Variants in CDHR1 observed in about 807,000 individuals in gnomAD.
CDHR1 encodes cadherin related family member 1, also known as cadherin-related family member 1.
CDHR1 carries 61 observed loss-of-function variants against 72.1 expected under a neutral mutation model. The observed-to-expected ratio is 0.85, with a 90% CI of 0.69 to 1.05. The LOEUF (loss-of-function observed/expected upper bound fraction) is 1.05, where lower values mean the gene tolerates loss of function less well. Among genes scored for constraint, CDHR1 ranks in the 50% least tolerant of loss-of-function variants. CDHR1 has a pLI of 0.00. For synonymous variants in CDHR1, 470 were observed against 448.1 expected, an observed-to-expected ratio of 1.05 and a Z score of -0.62; for missense variants, 1,186 against 1,115.7, an observed-to-expected ratio of 1.06 and a Z score of -0.90.
chr10:84,209,453 A>C (rs1014253337), intron 12 of CDHR1, among the ~76,000 whole-genome samples: 1 of 152,206 alleles, frequency 6.6e-6, no homozygotes, highest in Non-Finnish European at 1.5e-5. Context: ...TTATAAAAGC[A>C]ATCCATGAAA....
chr10:84,210,725 G>C (rs1294386325), intron 12 of CDHR1, among the ~76,000 whole-genome samples: 1 of 152,162 alleles, frequency 6.6e-6, no homozygotes, highest in Non-Finnish European at 1.5e-5. Flanking sequence ...AAGACAATTG[G>C]AACTGGAAAG....
rs1189565760 is a variant in CDHR1, at chr10:84,199,062, G to T, written c.379G>T (p.Asp127Tyr). Residue 127 changes from aspartate (D) to tyrosine (Y), a missense_variant, in exon 5 of 17, where the codon GAT becomes TAT. Asp to Tyr is a radical substitution (Grantham distance 160, BLOSUM62 -3). Transcript: ENST00000623527. ...VAEKVVILVT[D>Y]ANDEAPRFIQ... The stretch of plus-strand genomic sequence containing the variant: ...CGAAAAAGTCGTGATCCTGGTGACC[G>T]ATGCCAATGATGAGGCGCCCAGGTT... The T allele has an allele frequency of 6.4e-7, 1 of 1,551,508 alleles. No individual in the cohort carries two copies. The highest frequency in any genetic ancestry group is 1.2e-5 in the South Asian group (1 of 84,052).
rs1245988975 is a variant in CDHR1 at position 84,204,681 on chromosome 10, A to G, written c.862+76A>G. The G allele has an allele frequency of 3.1e-6, 3 of 962,542 alleles. No homozygotes were observed. In the East Asian group the frequency reaches 7.2e-5, roughly 23 times the overall value. The allele number at this position is 962,542 out of a possible 1,614,324, so 59.6% of individuals were successfully genotyped here. A position where few individuals can be genotyped will look rare whatever the true frequency, so the allele number is the denominator to read the frequency against. ...GAGCAAGGTTCCTCAACCTCTCTAG[A>G]TTCCAGCTCCCTCACCTGTAGGACC... On this transcript the variant is annotated intron_variant, in intron 9 of 16. Coordinates refer to ENST00000623527, the MANE Select transcript of CDHR1 (RefSeq NM_033100.4).
intron 11 of CDHR1, 63 bp from the exon 12 acceptor site, chr10:84,208,666 T>G: frequency 6.6e-7 from 1 of 1,513,992 alleles, no homozygotes; most frequent in Non-Finnish European, 9.2e-7. Context: ...GACTTCTATA[T>G]AGTATGATTA....
rs370942604 is a variant in CDHR1 at position 84,196,677 on chromosome 10, G to C, written c.297+27G>C. On this transcript the variant is annotated intron_variant, in intron 3 of 16. Coordinates refer to ENST00000623527, the MANE Select transcript of CDHR1 (RefSeq NM_033100.4). ...TATGGGGAGGTGTGGGGAGTGCTGC[G>C]GGGCCACTGCCTGTAGACAGACCTC... is the stretch of plus-strand genomic sequence containing the variant. 28 of 1,613,804 alleles carry C rather than the reference G, an allele frequency of 1.7e-5. No individual in the cohort carries two copies. The African/African-American group carries it at 2.9e-4, about 17-fold the overall frequency.
intron 5 of CDHR1, among the ~76,000 whole-genome samples, chr10:84,200,170 C>CAA (rs10583938): frequency 3.0e-5 from 4 of 134,460 alleles, no homozygotes; most frequent in Non-Finnish European, 3.4e-5. Flanking sequence ...AGCTCCATCT[C>CAA]AAAAAAAAAA....
chr10:84,201,768 C>A (rs765638275), intron 6 of CDHR1, 39 bp from the exon 7 acceptor site: 2 of 1,546,314 alleles, frequency 1.3e-6, no homozygotes, highest in South Asian at 1.1e-5. Context: ...GGCTGGCCTG[C>A]ATTCTTGCTG....
In CDHR1 at chr10:84,214,225, G is replaced by C. The variant is rs886047329; in HGVS notation, c.2184G>C (p.Lys728Asn). 1 of 1,614,150 alleles carries C rather than the reference G, an allele frequency of 6.2e-7. No individual in the cohort carries two copies. Among genetic ancestry groups the C allele is most frequent in the Non-Finnish European group, 8.5e-7 (1 of 1,180,052 alleles). ...LISTATFWRN[K>N]KSNKVLPMRR... Reference sequence around the variant, plus strand: ...CCACCGCCACCTTCTGGCGCAACAAGAAGTCTAACAAGGTCCTGCCAATGC... The same window carrying C: ...CCACCGCCACCTTCTGGCGCAACAACAAGTCTAACAAGGTCCTGCCAATGC... Residue 728 changes from lysine to asparagine, a missense_variant, in exon 17 of 17, where the codon AAG becomes AAC. Coordinates refer to ENST00000623527, the MANE Select transcript of CDHR1 (RefSeq NM_033100.4).
intron 12 of CDHR1, among the ~76,000 whole-genome samples, chr10:84,209,604 G>A (rs1243836612): frequency 4.1e-5 from 6 of 148,092 alleles, no homozygotes; most frequent in Admixed American, 2.7e-4. Context: ...ATTTGCAGGT[G>A]ATGATTGTTT....
chr10:84,196,751 A>G, intron 3 of CDHR1, 101 bp downstream of exon 3: 1 of 1,384,728 alleles, frequency 7.2e-7, no homozygotes, highest in Non-Finnish European at 1.0e-6. Context: ...CTCTCCACAG[A>G]GTAGGGGATG....
Position 84,208,314 on chromosome 10 carries a change from T to C in CDHR1, c.1104T>C (p.Asn368=), listed in dbSNP as rs1842265511. The change falls in exon 11 of 17, where the codon AAT becomes AAC. Residue 368 remains asparagine (N), a synonymous_variant. Transcript: ENST00000623527. The part of the protein sequence containing the change: ...GPQNRFELSM[N]EHPPQGEILR... Reference sequence around the variant, plus strand: ...AAAACAGGTTTGAGCTGTCCATGAATGAGCACCCACCCCAGGGAGAGATCC... The same window carrying C: ...AAAACAGGTTTGAGCTGTCCATGAACGAGCACCCACCCCAGGGAGAGATCC... The C allele has an allele frequency of 3.7e-6, 6 of 1,614,014 alleles. No individual in the cohort carries two copies. The highest frequency in any genetic ancestry group is 5.1e-6 in the Non-Finnish European group (6 of 1,180,036).
At chr10:84,210,244 GT>G (rs964441185) in intron 12 of CDHR1, among the ~76,000 whole-genome samples, 3 of 151,278 alleles carry the variant, frequency 2.0e-5, no homozygotes, top group Middle Eastern at 3.4e-3. Context: ...TTTTGTTTTT[GT>G]TTTTTTTGTT....
Position 84,218,136 on chromosome 10 carries a change from A to G in CDHR1, c.*3515A>G. 1 of 985,400 alleles carries G rather than the reference A, an allele frequency of 1.0e-6. No individual in the cohort carries two copies. The highest frequency in any genetic ancestry group is 1.2e-6 in the Non-Finnish European group (1 of 829,946). The allele number at this position is 985,400 out of a possible 1,614,324, so 61.0% of individuals were successfully genotyped here. A position where few individuals can be genotyped will look rare whatever the true frequency, so the allele number is the denominator to read the frequency against. ...AGGCCTTGGCCACCAAGGGATGGAG[A>G]GGGAGAATGGAGAAGATGCCACATG... On this transcript the variant is annotated 3_prime_UTR_variant, in exon 17 of 17. Transcript: ENST00000623527.
Position 84,217,899 on chromosome 10 carries a change from C to G in CDHR1, c.*3278C>G. 5 of 985,492 alleles carry G rather than the reference C, an allele frequency of 5.1e-6. No individual in the cohort carries two copies. Among genetic ancestry groups the G allele is most frequent in the Non-Finnish European group, 6.0e-6 (5 of 829,982 alleles). 61.0% of individuals were successfully genotyped at this position (985,492 alleles called of 1,614,324 possible). A position where few individuals can be genotyped will look rare whatever the true frequency, so the allele number is the denominator to read the frequency against. ...AGGAACAATGAGAGGTCTCTAAGAA[C>G]TTGTGGCACTCTGTCCTCAAGCAGC... is the stretch of plus-strand genomic sequence containing the variant. On this transcript the variant is annotated 3_prime_UTR_variant, in exon 17 of 17. Coordinates refer to ENST00000623527, the MANE Select transcript of CDHR1 (RefSeq NM_033100.4).
chr10:84,211,283 C>A, intron 13 of CDHR1, 118 bp downstream of exon 13: 2 of 1,064,404 alleles, frequency 1.9e-6, no homozygotes, highest in Non-Finnish European at 2.8e-6. Context: ...TGTCCTTGGA[C>A]AAGCTACTTG....
Position 84,214,708 on chromosome 10 carries a change from T to C in CDHR1, c.*87T>C, listed in dbSNP as rs1842400116. ...ACTATGCTCCCCTTCCTCTGCTCCT[T>C]AAGGTCACTGACCCCTGTTTTGCAC... is the stretch of plus-strand genomic sequence containing the variant. On this transcript the variant is annotated 3_prime_UTR_variant, in exon 17 of 17. Coordinates refer to ENST00000623527, the MANE Select transcript of CDHR1 (RefSeq NM_033100.4). The C allele has an allele frequency of 1.9e-6, 3 of 1,590,676 alleles. No homozygotes were observed. Among genetic ancestry groups the C allele is most frequent in the Non-Finnish European group, 2.6e-6 (3 of 1,175,800 alleles).
intron 11 of CDHR1, 133 bp downstream of exon 11, chr10:84,208,510 A>G: frequency 1.8e-6 from 2 of 1,119,408 alleles, no homozygotes; most frequent in Non-Finnish European, 2.6e-6. Context: ...GAATGAAACA[A>G]GAAGTTGTAA....
intron 10 of CDHR1, among the ~76,000 whole-genome samples, chr10:84,206,230 GC>G (rs1440626837): frequency 3.3e-5 from 5 of 152,162 alleles, no homozygotes; most frequent in Admixed American, 2.6e-4. Flanking sequence ...AGTGCAGCAA[GC>G]CCAGGCTGGA....
rs1171151711 is a variant in CDHR1 at position 84,214,374 on chromosome 10, G to C, written c.2333G>C (p.Cys778Ser). 2 of 1,614,052 alleles carry C rather than the reference G, an allele frequency of 1.2e-6. No homozygotes were observed. Among genetic ancestry groups the C allele is most frequent in the African/African-American group, 2.7e-5 (2 of 74,934 alleles). ...MLKEKPPNEN[C>S]NNNSPESSLL... ...AAAGAGAAACCTCCCAATGAGAACT[G>C]TAACAACAACAGCCCAGAAAGCTCT... is the stretch of plus-strand genomic sequence containing the variant. The change falls in exon 17 of 17, where the codon TGT becomes TCT. Residue 778 changes from cysteine to serine, a missense_variant. Transcript: ENST00000623527.
Sources: gnomAD v4.1 joint callset for allele counts (sites outside exome capture counted in the v4.1 genomes callset) on GRCh38, gnomAD v4.1.1 for gene constraint, MANE v1.5 for transcripts, NCBI Gene and HGNC (gene_info 2026-07-23, HGNC 2026-07-21) for gene names.